Variants in ZEB1 observed in about 807,000 individuals in gnomAD.
The protein encoded by ZEB1 is zinc finger E-box binding homeobox 1, also known as zinc finger E-box-binding homeobox 1.
A neutral mutation model predicts 84.9 loss-of-function variants in ZEB1; 21 were observed. The observed-to-expected ratio is 0.25, with a 90% CI of 0.18 to 0.36. The LOEUF (loss-of-function observed/expected upper bound fraction) is 0.36, where lower values mean the gene tolerates loss of function less well. Among genes scored for constraint, ZEB1 ranks in the 10% least tolerant of loss-of-function variants. ZEB1 has a pLI of 1.00. For missense variants in ZEB1, 1,104 were observed against 1,330.2 expected, an observed-to-expected ratio of 0.83 and a Z score of 2.65; for synonymous variants, 420 against 471.1, an observed-to-expected ratio of 0.89 and a Z score of 1.41.
intron 1 of ZEB1, among the ~76,000 whole-genome samples, chr10:31,443,037 A>C (rs1301005714): frequency 6.6e-6 from 1 of 152,248 alleles, no homozygotes; most frequent in Non-Finnish European, 1.5e-5. Context: ...ATTAGCCAGC[A>C]TAGAGATTTT....
At chr10:31,414,435 T>A (rs952057754) in intron 1 of ZEB1, among the ~76,000 whole-genome samples, 19 of 152,238 alleles carry the variant, frequency 1.2e-4, no homozygotes, top group Non-Finnish European at 2.6e-4. Context: ...TTTAGTTGTT[T>A]TGTTAAAAGG....
At chr10:31,359,487 G>T (rs977486135) in intron 1 of ZEB1, among the ~76,000 whole-genome samples, 1 of 152,090 alleles carries the variant, frequency 6.6e-6, no homozygotes, top group African/African-American at 2.4e-5. Context: ...AACTTTGAAA[G>T]GGGTATGTTT....
At chr10:31,505,431 T>C (rs565008830) in intron 4 of ZEB1, among the ~76,000 whole-genome samples, 3 of 152,046 alleles carry the variant, frequency 2.0e-5, no homozygotes, top group Non-Finnish European at 4.4e-5. Flanking sequence ...ACTTGAAATA[T>C]TCATTATGGA....
intron 1 of ZEB1, among the ~76,000 whole-genome samples, chr10:31,429,899 C>A (rs1303583601): frequency 6.6e-6 from 1 of 151,898 alleles, no homozygotes; most frequent in East Asian, 1.9e-4. Flanking sequence ...TGCCACCATG[C>A]CTGGCTAATT....
chr10:31,409,600 G>A (rs1353023038), intron 1 of ZEB1, among the ~76,000 whole-genome samples: 3 of 152,248 alleles, frequency 2.0e-5, no homozygotes, highest in East Asian at 1.9e-4. Flanking sequence ...ATTACCTTGG[G>A]CAGTATGGCC....
At chr10:31,499,217 G>A (rs930150040) in intron 3 of ZEB1, among the ~76,000 whole-genome samples, 1 of 152,020 alleles carries the variant, frequency 6.6e-6, no homozygotes, top group Non-Finnish European at 1.5e-5. Flanking sequence ...TTTACCAATA[G>A]TTATTTATCA....
intron 1 of ZEB1, among the ~76,000 whole-genome samples, chr10:31,413,780 T>C (rs1362761043): frequency 6.6e-6 from 1 of 152,176 alleles, no homozygotes; most frequent in African/African-American, 2.4e-5. Context: ...AAGACTGCAA[T>C]TTAGTACAAT....
At chr10:31,411,823 A>T (rs750553640) in intron 1 of ZEB1, among the ~76,000 whole-genome samples, 2 of 152,028 alleles carry the variant, frequency 1.3e-5, no homozygotes, top group Non-Finnish European at 2.9e-5. Context: ...ACTAAAACCA[A>T]ATTTTTTACA....
intron 1 of ZEB1, among the ~76,000 whole-genome samples, chr10:31,418,836 A>C (rs770243564): frequency 6.6e-6 from 1 of 152,140 alleles, no homozygotes; most frequent in Admixed American, 6.5e-5. Flanking sequence ...ATGCTCCAAA[A>C]TCTGAAACTT....
In ZEB1 at chr10:31,526,785, G is replaced by A; in HGVS notation, c.2899G>A (p.Gly967Arg). ...GEKPYQCDKCGKRFSHSGSYS... is the reference protein window; with the variant it reads ...GEKPYQCDKCRKRFSHSGSYS... ...AAAGCCCTATCAATGTGACAAATGTGGAAAGCGCTTCTCACACTCTGGGTC... is the reference window on the plus strand; with the variant it reads ...AAAGCCCTATCAATGTGACAAATGTAGAAAGCGCTTCTCACACTCTGGGTC... Residue 967 changes from glycine to arginine, a missense_variant, in exon 9 of 9, where the codon GGA becomes AGA. Gly to Arg is a moderately radical substitution (Grantham distance 125). Around this residue, in one of 7 missense-constraint regions of ZEB1, gnomAD observed 53 missense variants for 92.5 expected, o/e 0.57. Coordinates refer to ENST00000424869, the MANE Select transcript of ZEB1 (RefSeq NM_001174096.2). 1 of 1,614,106 alleles carries A rather than the reference G, an allele frequency of 6.2e-7. No individual in the cohort carries two copies. The highest frequency in any genetic ancestry group is 1.3e-5 in the African/African-American group (1 of 75,052).
chr10:31,395,023 T>C (rs1431092606), intron 1 of ZEB1, among the ~76,000 whole-genome samples: 1 of 152,122 alleles, frequency 6.6e-6, no homozygotes, highest in African/African-American at 2.4e-5. Context: ...GTCCAAATAC[T>C]GGAGAGGAAG....
At chr10:31,352,103 T>C (rs964604576) in intron 1 of ZEB1, among the ~76,000 whole-genome samples, 3 of 152,242 alleles carry the variant, frequency 2.0e-5, no homozygotes, top group African/African-American at 4.8e-5. Flanking sequence ...TATTTTGATA[T>C]AATCAGACTT....
chr10:31,526,576 C>T, intron 8 of ZEB1, 96 bp from the exon 9 acceptor site: 4 of 1,424,138 alleles, frequency 2.8e-6, no homozygotes, highest in Non-Finnish European at 3.8e-6. Context: ...AACTAATAAC[C>T]CTCCCCTTTC....
chr10:31,328,002 C>T (rs1467989315), intron 1 of ZEB1, among the ~76,000 whole-genome samples: 1 of 151,900 alleles, frequency 6.6e-6, no homozygotes, highest in Non-Finnish European at 1.5e-5. Context: ...GATAGATTTC[C>T]ATTTCTCTTG....
intron 5 of ZEB1, among the ~76,000 whole-genome samples, chr10:31,512,122 G>A (rs1373502116): frequency 6.6e-6 from 1 of 152,070 alleles, no homozygotes; most frequent in African/African-American, 2.4e-5. Flanking sequence ...AGAAGAGTAT[G>A]TTTTATACCT....
At chr10:31,457,547 A>C (rs1373707551) in intron 1 of ZEB1, among the ~76,000 whole-genome samples, 1 of 152,128 alleles carries the variant, frequency 6.6e-6, no homozygotes, top group East Asian at 1.9e-4. Context: ...GACACATATC[A>C]AACATGCTCT....
Position 31,521,855 on chromosome 10 carries a change from G to A in ZEB1, c.2523G>A (p.Gln841=). 1 of 1,613,852 alleles carries A rather than the reference G, an allele frequency of 6.2e-7. No individual in the cohort carries two copies. Among genetic ancestry groups the A allele is most frequent in the Non-Finnish European group, 8.5e-7 (1 of 1,179,910 alleles). ...ATAAGCAAACGATTCTGATTCCCCA[G>A]GTGGCATACACCTACTCAACTACGG... ...AANKQTILIP[Q]VAYTYSTTVS... The change falls in exon 7 of 9, where the codon CAG becomes CAA. Residue 841 remains glutamine (Q), a synonymous_variant. Coordinates refer to ENST00000424869, the MANE Select transcript of ZEB1 (RefSeq NM_001174096.2).
chr10:31,448,801 C>T (rs1031710166), intron 1 of ZEB1, among the ~76,000 whole-genome samples: 12 of 152,208 alleles, frequency 7.9e-5, no homozygotes, highest in South Asian at 4.1e-4. Flanking sequence ...CTGGGAGAAC[C>T]ACTGCTCTCT....
intron 1 of ZEB1, among the ~76,000 whole-genome samples, chr10:31,457,504 A>G (rs568526724): frequency 2.8e-4 from 42 of 152,278 alleles, no homozygotes; most frequent in Admixed American, 4.6e-4. Context: ...AGCAGATAAA[A>G]TACATTGATT....
Sources: allele counts gnomAD v4.1 joint callset (sites outside exome capture counted in the v4.1 genomes callset), GRCh38; gene constraint gnomAD v4.1.1; regional missense constraint gnomAD v4.1.1; transcripts MANE v1.5; gene names NCBI Gene and HGNC (gene_info 2026-07-23, HGNC 2026-07-21).